SARDH: variants seen among roughly 807,000 people sequenced by gnomAD.
SARDH encodes the protein sarcosine dehydrogenase, also known as sarcosine dehydrogenase, mitochondrial.
Under a neutral mutation model 109.1 loss-of-function variants are expected in SARDH, and 95 were observed. The observed-to-expected ratio is 0.87, with a 90% CI of 0.74 to 1.03. The LOEUF (loss-of-function observed/expected upper bound fraction) is 1.03, where lower values mean the gene tolerates loss of function less well. Among genes scored for constraint, SARDH ranks in the 50% least tolerant of loss-of-function variants. The probability of loss-of-function intolerance (pLI) is 0.00; values close to 1 mark genes in which losing one functional copy is unlikely to be tolerated. For synonymous variants in SARDH, 572 were observed against 534.8 expected (o/e 1.07, Z -0.96); for missense variants, 1,267 against 1,287.8 (o/e 0.98, Z 0.25).
At chr9:133,694,437 T>G in intron 14 of SARDH, 66 bp from the exon 15 acceptor site, 1 of 1,313,196 alleles carries the variant, frequency 7.6e-7, no homozygotes, top group Non-Finnish European at 1.1e-6. Context: ...TGCCTCAGTT[T>G]CCCCAGGGCC....
At chr9:133,729,600 C>T (rs769479517) in intron 6 of SARDH, among the ~76,000 whole-genome samples, 165 bp downstream of exon 6, 18 of 152,262 alleles carry the variant, frequency 1.2e-4, no homozygotes, top group South Asian at 6.2e-4. Context: ...TCATACCACC[C>T]GGAAATACCC....
intron 12 of SARDH, 96 bp from the exon 13 acceptor site, chr9:133,703,125 G>A: frequency 1.9e-6 from 2 of 1,050,302 alleles, no homozygotes; most frequent in Non-Finnish European, 2.8e-6. Context: ...ATGGGGTCAG[G>A]CCTGGCCCTG....
rs987943112 is a variant in SARDH, at chr9:133,704,996, C to T, written c.1506G>A (p.Arg502=). The change falls in exon 12 of 21, where the codon CGG becomes CGA. Residue 502 remains arginine (R), a synonymous_variant. Transcript: ENST00000439388. The surrounding 1 kb of genome is among the most constrained non-coding windows in gnomAD (Gnocchi z 4.5). ...ACCATCCCGGTCGCTCCCAGCCATG[C>T]CGCTCCTGGAACACGCAGCCTTGTC... is the stretch of plus-strand genomic sequence containing the variant. ...LLGQGCVFQE[R]HGWERPGWFH... The T allele has an allele frequency of 1.3e-6, 2 of 1,590,534 alleles. No individual in the cohort carries two copies. Among genetic ancestry groups the T allele is most frequent in the Admixed American group, 1.8e-5 (1 of 55,840 alleles).
At position 133,693,639 on chromosome 9, in the gene SARDH, T is replaced by C. The variant is rs1564259082; in HGVS notation, c.1921+619A>G. 6.6e-6 allele frequency among the ~76,000 whole-genome samples: 1 copy of C among 152,160 alleles called. No individual in the cohort carries two copies. Among genetic ancestry groups the C allele is most frequent in the Non-Finnish European group, 1.5e-5 (1 of 68,016 alleles). Reference sequence around the variant, plus strand: ...GTTACAGGACGAGAGATCAGATGGCTCCTGTGTGAACCCAGGGACAGGATC... The same window carrying C: ...GTTACAGGACGAGAGATCAGATGGCCCCTGTGTGAACCCAGGGACAGGATC... On this transcript the variant is annotated intron_variant, in intron 15 of 20. Coordinates refer to ENST00000439388, the MANE Select transcript of SARDH (RefSeq NM_001134707.2). The surrounding 1 kb of genome is among the most constrained non-coding windows in gnomAD (Gnocchi z 5.6).
intron 6 of SARDH, among the ~76,000 whole-genome samples, chr9:133,729,262 C>G (rs937725479): frequency 1.3e-5 from 2 of 151,988 alleles, no homozygotes; most frequent in Non-Finnish European, 2.9e-5. Context: ...GAGTTGAGGA[C>G]AGGAGAGAAG....
At chr9:133,685,350 G>T in intron 16 of SARDH, 64 bp from the exon 17 acceptor site, 1 of 1,371,472 alleles carries the variant, frequency 7.3e-7, no homozygotes, top group Non-Finnish European at 1.0e-6. Flanking sequence ...GGCAGGAAAG[G>T]CCCCGGGGAC....
At chr9:133,695,272 G>A (rs184452060) in intron 14 of SARDH, among the ~76,000 whole-genome samples, 13 of 152,188 alleles carry the variant, frequency 8.5e-5, no homozygotes, top group Non-Finnish European at 1.3e-4. Context: ...GCGAAACCCC[G>A]TCTCTACTAA....
upstream of SARDH, among the ~76,000 whole-genome samples, chr9:133,738,747 C>A (rs539738545): frequency 6.6e-5 from 10 of 152,340 alleles, no homozygotes; most frequent in East Asian, 1.9e-3. Context: ...TGCAGGGAGG[C>A]TCCTTTGGTG....
At chr9:133,725,517 CAA>C in intron 6 of SARDH, 1 of 426,792 alleles carries the variant, frequency 2.3e-6, no homozygotes, top group Admixed American at 2.6e-5. Context: ...TACTAAAATA[CAA>C]AAAAAAATCA....
chr9:133,723,090 T>C (rs1832380589), intron 6 of SARDH, among the ~76,000 whole-genome samples: 1 of 152,154 alleles, frequency 6.6e-6, no homozygotes, highest in Admixed American at 6.5e-5. Flanking sequence ...ATTGCAAAAC[T>C]TGTACTCTAA....
At chr9:133,678,589 C>T (rs1215330189) in intron 17 of SARDH, among the ~76,000 whole-genome samples, 1 of 152,180 alleles carries the variant, frequency 6.6e-6, no homozygotes, top group Non-Finnish European at 1.5e-5. Context: ...GACCTTTGCT[C>T]CAGGGGTCCT....
intron 19 of SARDH, among the ~76,000 whole-genome samples, chr9:133,670,230 G>A (rs941208756): frequency 1.3e-5 from 2 of 151,686 alleles, no homozygotes; most frequent in South Asian, 4.2e-4. Flanking sequence ...TTGGGAGGCT[G>A]AGGCAGGAGA....
At chr9:133,722,760 C>T (rs1447704068) in intron 6 of SARDH, among the ~76,000 whole-genome samples, 2 of 152,012 alleles carry the variant, frequency 1.3e-5, no homozygotes, top group Non-Finnish European at 2.9e-5. Context: ...CTGCAACCTG[C>T]ACCTCCTGGG....
chr9:133,678,301 A>T (rs1830585018), intron 17 of SARDH, among the ~76,000 whole-genome samples: 1 of 152,166 alleles, frequency 6.6e-6, no homozygotes, highest in South Asian at 2.1e-4. Flanking sequence ...GGCACCTGGC[A>T]TGAGGACTCG....
intron 12 of SARDH, 134 bp from the exon 13 acceptor site, chr9:133,703,163 C>T (rs1464203051): frequency 6.7e-6 from 5 of 750,002 alleles, no homozygotes; most frequent in Non-Finnish European, 1.1e-5. Flanking sequence ...ACTGAGTGCC[C>T]GTGTGTTGTG....
Position 133,666,843 on chromosome 9 carries a change from G to A in SARDH, c.2523C>T (p.Ala841=). 1.2e-6 allele frequency: 2 copies of A among 1,611,776 alleles called. No homozygotes were observed. The highest frequency in any genetic ancestry group is 1.7e-6 in the Non-Finnish European group (2 of 1,179,216). ...CCACCACTTGGCCGTTCCTCCAGAT[G>A]GCCTCCAGGCCAAACATGGGTACTT... The part of the protein sequence containing the change: ...EDKVPMFGLE[A]IWRNGQVVGH... The change falls in exon 20 of 21, where the codon GCC becomes GCT. Residue 841 remains alanine, a synonymous_variant. Transcript: ENST00000439388. This position sits in a 1 kb window ranked among gnomAD's most constrained non-coding sequence, Gnocchi z 5.2.
intron 19 of SARDH, 77 bp downstream of exon 19, chr9:133,670,507 G>A: frequency 6.8e-7 from 1 of 1,464,214 alleles, no homozygotes; most frequent in Non-Finnish European, 9.3e-7. Flanking sequence ...GGCTTTGAGT[G>A]GGGGACCAAG....
chr9:133,726,596 G>A (rs758593601), intron 6 of SARDH, among the ~76,000 whole-genome samples: 68 of 152,198 alleles, frequency 4.5e-4, no homozygotes, highest in Admixed American at 1.8e-3. Flanking sequence ...GCACCCAGCG[G>A]AGTGCCCAGT....
chr9:133,726,891 C>T (rs934818063), intron 6 of SARDH, among the ~76,000 whole-genome samples: 12 of 152,218 alleles, frequency 7.9e-5, no homozygotes, highest in African/African-American at 2.2e-4. Flanking sequence ...CCGGGCACCA[C>T]TCCCAGCTGC....
Sources: gnomAD v4.1 joint callset for allele counts (sites outside exome capture counted in the v4.1 genomes callset) on GRCh38, gnomAD v4.1.1 for gene constraint, Gnocchi (gnomAD v3.1) non-coding constraint, MANE v1.5 for transcripts, NCBI Gene and HGNC (gene_info 2026-07-23, HGNC 2026-07-21) for gene names.